Variants in DIXDC1 observed in about 807,000 individuals in gnomAD.
The protein encoded by DIXDC1 is DIX domain containing 1.
In DIXDC1, 64 loss-of-function variants were observed where a neutral mutation model predicts 103.1. The ratio of observed to expected loss-of-function variants is 0.62; its 90% CI spans 0.51 to 0.76. The LOEUF (loss-of-function observed/expected upper bound fraction) is 0.76, where lower values mean the gene tolerates loss of function less well. DIXDC1 is among the 30% of genes least tolerant of loss of function. DIXDC1 has a pLI of 0.00. For missense variants in DIXDC1, 759 were observed against 834.2 expected (o/e 0.91, Z 1.11); for synonymous variants, 266 against 298.5 (o/e 0.89, Z 1.12).
At chr11:111,952,334 T>C (rs782240784) in intron 1 of DIXDC1, among the ~76,000 whole-genome samples, 2 of 152,184 alleles carry the variant, frequency 1.3e-5, no homozygotes, top group Non-Finnish European at 2.9e-5. Context: ...GAAGCTTTTT[T>C]AGGAAGTTAG....
chr11:111,965,258 C>T (rs1859691634), intron 2 of DIXDC1, among the ~76,000 whole-genome samples: 1 of 151,986 alleles, frequency 6.6e-6, no homozygotes, highest in Non-Finnish European at 1.5e-5. Flanking sequence ...ACCTTATTTC[C>T]ATAGCATTTG....
chr11:111,991,253 G>A (rs1860704543), intron 10 of DIXDC1, among the ~76,000 whole-genome samples: 1 of 152,198 alleles, frequency 6.6e-6, no homozygotes, highest in South Asian at 2.1e-4. Flanking sequence ...AAGACTCACT[G>A]TGAATAATAA....
chr11:112,015,799 CTTTTTTTTTT>C (rs782121271), intron 17 of DIXDC1, among the ~76,000 whole-genome samples: 2 of 47,036 alleles, frequency 4.3e-5, no homozygotes, highest in African/African-American at 1.8e-4. Context: ...GAGACCCTGT[CTTTTTTTTTT>C]TTTTTTTTTT....
chr11:111,939,545 G>A (rs72991426), intron 1 of DIXDC1, among the ~76,000 whole-genome samples: 1,660 of 152,236 alleles, frequency 0.011, 12 homozygotes, highest in Non-Finnish European at 0.018. Flanking sequence ...GTGTACGTCT[G>A]TTCCTCTCTG....
intron 8 of DIXDC1, among the ~76,000 whole-genome samples, chr11:111,986,119 C>A (rs1293737828): frequency 6.6e-6 from 1 of 152,206 alleles, no homozygotes; most frequent in Non-Finnish European, 1.5e-5. Flanking sequence ...AGCCTTCTCA[C>A]TGGTTTTCCT....
intron 16 of DIXDC1, 139 bp downstream of exon 16, chr11:111,995,703 T>C (rs950195232): frequency 4.7e-5 from 53 of 1,117,130 alleles, no homozygotes; most frequent in Non-Finnish European, 5.8e-5. Context: ...TATTGTTTTT[T>C]CTCTCAGTGG....
chr11:111,992,130 A>G lies in DIXDC1; in HGVS notation c.1114-285A>G, dbSNP rs782111660. On this transcript the variant is annotated intron_variant, in intron 10 of 19. Transcript: ENST00000440460. ...CCAGTCTTTCTCTCTCGAATACACC[A>G]TGCTGTCAGGATTGAGGGTGGGGAC... 2.6e-5 allele frequency among the ~76,000 whole-genome samples: 4 copies of G among 152,326 alleles called. No individual in the cohort carries two copies. The East Asian group carries it at 5.8e-4, about 22-fold the overall frequency.
At chr11:112,000,267 A>T (rs1861025646) in intron 17 of DIXDC1, among the ~76,000 whole-genome samples, 1 of 152,236 alleles carries the variant, frequency 6.6e-6, no homozygotes, top group Non-Finnish European at 1.5e-5. Flanking sequence ...ATAGGAGAAA[A>T]TATTTGCAAA....
chr11:111,947,515 A>T (rs1966637648), intron 1 of DIXDC1, among the ~76,000 whole-genome samples: 1 of 152,184 alleles, frequency 6.6e-6, no homozygotes, highest in Non-Finnish European at 1.5e-5. Flanking sequence ...TTTGTCCTTA[A>T]GTCAGTTTCT....
At chr11:111,965,962 T>C (rs782444716) in intron 2 of DIXDC1, among the ~76,000 whole-genome samples, 9 of 152,160 alleles carry the variant, frequency 5.9e-5, no homozygotes, top group Non-Finnish European at 1.0e-4. Flanking sequence ...TTGAATAGGT[T>C]ATACATGGAC....
intron 14 of DIXDC1, among the ~76,000 whole-genome samples, chr11:111,994,466 C>CAT (rs1860813152): frequency 6.6e-6 from 1 of 151,066 alleles, no homozygotes; most frequent in Admixed American, 6.6e-5. Flanking sequence ...CACACATATA[C>CAT]ACATATATAC....
At position 112,022,058 on chromosome 11, in the gene DIXDC1, T is replaced by C. The variant is rs1169024810; in HGVS notation, c.*3022T>C. The C allele has an allele frequency of 6.6e-6, 1 of 151,990 alleles. No homozygotes were observed. The highest frequency in any genetic ancestry group is 1.5e-5 in the Non-Finnish European group (1 of 67,984). 9.4% of individuals were successfully genotyped at this position (151,990 alleles called of 1,614,324 possible). A position where few individuals can be genotyped will look rare whatever the true frequency, so the allele number is the denominator to read the frequency against. ...CAGTTCCCTAAATTAGCTGGGGGGATTGGGATACTTTACAATTTTTACATT... is the reference window on the plus strand; with the variant it reads ...CAGTTCCCTAAATTAGCTGGGGGGACTGGGATACTTTACAATTTTTACATT... On this transcript the variant is annotated 3_prime_UTR_variant, in exon 20 of 20. Coordinates refer to ENST00000440460, the MANE Select transcript of DIXDC1 (RefSeq NM_001037954.4). This position sits in a 1 kb window ranked among gnomAD's most constrained non-coding sequence, Gnocchi z 4.9.
Position 111,958,856 on chromosome 11 carries a change from G to T in DIXDC1, c.61-5693G>T, listed in dbSNP as rs1343881481. Among the ~76,000 whole-genome samples the T allele has an allele frequency of 2.0e-5, 3 of 152,162 alleles. No homozygotes were observed. The highest frequency in any genetic ancestry group is 7.2e-5 in the African/African-American group (3 of 41,442). On this transcript the variant is annotated intron_variant, in intron 1 of 19. Transcript: ENST00000440460. The surrounding 1 kb of genome is among the most constrained non-coding windows in gnomAD (Gnocchi z 4.2). ...AACCAGACTTGGAAAATGATGGGAC[G>T]ACCTGCCTGCGGAGAGGAGCTACCC...
At chr11:111,975,558 C>T in intron 5 of DIXDC1, 1 of 986,022 alleles carries the variant, frequency 1.0e-6, no homozygotes, top group Non-Finnish European at 1.2e-6. Context: ...AAACAGGATA[C>T]AGTGCCCTAA....
chr11:111,946,353 C>G (rs1966596621), intron 1 of DIXDC1, among the ~76,000 whole-genome samples: 1 of 152,132 alleles, frequency 6.6e-6, no homozygotes, highest in African/African-American at 2.4e-5. Context: ...CATGATCCGC[C>G]CGCCTTGGCC....
intron 17 of DIXDC1, among the ~76,000 whole-genome samples, chr11:112,000,788 C>G (rs476694): frequency 6.6e-6 from 1 of 151,808 alleles, no homozygotes; most frequent in African/African-American, 2.4e-5. Flanking sequence ...TGAGATACCA[C>G]TTTACACCTA....
At chr11:111,966,864 T>C (rs1859758030) in intron 2 of DIXDC1, among the ~76,000 whole-genome samples, 1 of 152,220 alleles carries the variant, frequency 6.6e-6, no homozygotes, top group African/African-American at 2.4e-5. Context: ...GAAACCGCCT[T>C]CCTCAAGGTC....
intron 1 of DIXDC1, 71 bp downstream of exon 1, chr11:111,937,630 T>TC (rs1966258601): frequency 7.2e-7 from 1 of 1,381,460 alleles, no homozygotes; most frequent in African/African-American, 1.4e-5. Flanking sequence ...CCGGAAGGGG[T>TC]CCTCCTCCTC....
chr11:111,988,638 T>G (rs1359894092), intron 9 of DIXDC1, among the ~76,000 whole-genome samples: 1 of 152,172 alleles, frequency 6.6e-6, no homozygotes, highest in Non-Finnish European at 1.5e-5. Context: ...GTAGGCATAT[T>G]TAGATATGAT....
Sources: allele counts gnomAD v4.1 joint callset (sites outside exome capture counted in the v4.1 genomes callset), GRCh38; gene constraint gnomAD v4.1.1; non-coding constraint Gnocchi (gnomAD v3.1); transcripts MANE v1.5; gene names NCBI Gene and HGNC (gene_info 2026-07-23, HGNC 2026-07-21).